AIG1: variants seen among roughly 807,000 people sequenced by gnomAD.
AIG1 encodes androgen induced 1, also known as androgen-induced gene 1 protein.
AIG1 carries 23 observed loss-of-function variants against 31.4 expected under a neutral mutation model. That is an observed-to-expected ratio of 0.73 (90% confidence interval 0.53 to 1.04). The LOEUF is 1.04. Ranked by LOEUF, AIG1 falls within the 50% of genes least tolerant of loss-of-function variation. AIG1 has a pLI of 0.00. For missense variants in AIG1, 274 were observed against 295.0 expected (o/e 0.93, Z 0.52); for synonymous variants, 100 against 110.5 (o/e 0.90, Z 0.60).
intron 3 of AIG1, among the ~76,000 whole-genome samples, chr6:143,204,360 A>G (rs973434458): frequency 6.6e-6 from 1 of 152,118 alleles, no homozygotes; most frequent in African/African-American, 2.4e-5. Flanking sequence ...GAGTGCCTAC[A>G]TGTGGCCTCC....
At position 143,288,889 on chromosome 6, in the gene AIG1, G is replaced by A. The variant is rs933735037; in HGVS notation, c.515+4664G>A. 6.6e-6 allele frequency among the ~76,000 whole-genome samples: 1 copy of A among 152,166 alleles called. No homozygotes were observed. The highest frequency in any genetic ancestry group is 1.5e-5 in the Non-Finnish European group (1 of 68,022). On this transcript the variant is annotated intron_variant, in intron 4 of 5. Coordinates refer to ENST00000357847, the MANE Select transcript of AIG1 (RefSeq NM_016108.4). The surrounding 1 kb of genome is among the most constrained non-coding windows in gnomAD (Gnocchi z 4.4). The stretch of plus-strand genomic sequence containing the variant: ...GGATGTCTCAAAGAAGTAGTGGGTG[G>A]TTACAAGTCATAGGTGAATTCAAAG...
chr6:143,074,995 T>C (rs938925430), intron 1 of AIG1, among the ~76,000 whole-genome samples: 1 of 152,228 alleles, frequency 6.6e-6, no homozygotes, highest in Non-Finnish European at 1.5e-5. Context: ...AAAATTTTAT[T>C]CACAAATTCT....
intron 4 of AIG1, among the ~76,000 whole-genome samples, chr6:143,318,536 A>T (rs921590742): frequency 2.6e-5 from 4 of 152,204 alleles, no homozygotes; most frequent in Non-Finnish European, 5.9e-5. Flanking sequence ...ATTTTAGAAG[A>T]TAACATCAAA....
intron 3 of AIG1, among the ~76,000 whole-genome samples, chr6:143,270,304 C>A (rs1796423149): frequency 6.6e-6 from 1 of 152,150 alleles, no homozygotes; most frequent in Admixed American, 6.5e-5. Flanking sequence ...TCCAGGCAGC[C>A]TAAGCAAGAT....
At chr6:143,164,965 C>A in intron 2 of AIG1, 117 bp from the exon 3 acceptor site, 2 of 732,222 alleles carry the variant, frequency 2.7e-6, no homozygotes, top group South Asian at 1.8e-5. Flanking sequence ...GTTTACTGAG[C>A]TGTCTTTCAT....
At chr6:143,295,343 C>T (rs1182722993) in intron 4 of AIG1, among the ~76,000 whole-genome samples, 1 of 152,180 alleles carries the variant, frequency 6.6e-6, no homozygotes, top group African/African-American at 2.4e-5. Context: ...AAACAAATGT[C>T]ATCATGCTAC....
At chr6:143,094,370 T>A (rs963380097) in intron 1 of AIG1, 5 of 152,170 alleles carry the variant, frequency 3.3e-5, no homozygotes, top group Admixed American at 3.3e-4. Context: ...CTAACAGAAG[T>A]ACGTTACATC....
intron 3 of AIG1, among the ~76,000 whole-genome samples, chr6:143,180,421 G>A (rs1051353396): frequency 2.0e-5 from 3 of 152,168 alleles, no homozygotes; most frequent in African/African-American, 4.8e-5. Context: ...AAGCACTGTC[G>A]TTATTCTGGC....
rs1294208501 is a variant in AIG1, at chr6:143,102,716, A to G, written c.142-34119A>G. On this transcript the variant is annotated intron_variant, in intron 1 of 5. Transcript: ENST00000357847. The stretch of plus-strand genomic sequence containing the variant: ...TTTTTCATCCCCTCTCTACTCCTTT[A>G]CATTTTGTTTTGGTTAACAGATAAC... Among the ~76,000 whole-genome samples, 3 of 151,744 alleles carry G rather than the reference A, an allele frequency of 2.0e-5. No homozygotes were observed. The South Asian group carries it at 6.2e-4, about 31-fold the overall frequency.
intron 3 of AIG1, among the ~76,000 whole-genome samples, chr6:143,237,687 T>G (rs1793911435): frequency 6.6e-6 from 1 of 152,150 alleles, no homozygotes; most frequent in Non-Finnish European, 1.5e-5. Context: ...CGAACCTAGC[T>G]TTGAAGTAAC....
chr6:143,266,179 C>T (rs533053545), intron 3 of AIG1, among the ~76,000 whole-genome samples: 8 of 152,144 alleles, frequency 5.3e-5, no homozygotes, highest in Non-Finnish European at 1.5e-5. Flanking sequence ...GAAACCCCAT[C>T]TCTACTAAAA....
At chr6:143,213,253 A>G (rs1791728374) in intron 3 of AIG1, among the ~76,000 whole-genome samples, 1 of 152,178 alleles carries the variant, frequency 6.6e-6, no homozygotes, top group Non-Finnish European at 1.5e-5. Flanking sequence ...ATTGTTAGCT[A>G]TTAAATGGCA....
chr6:143,283,369 T>C (rs1562555056), intron 3 of AIG1, among the ~76,000 whole-genome samples: 3 of 152,214 alleles, frequency 2.0e-5, no homozygotes. Context: ...ACACCATTTC[T>C]GGAAGCTGAT....
chr6:143,061,582 T>A (rs1261816767), intron 1 of AIG1: 9 of 295,386 alleles, frequency 3.0e-5, no homozygotes, highest in Non-Finnish European at 5.4e-5. Context: ...CCTAATAAAG[T>A]TGTCTTCTTT....
intron 1 of AIG1, among the ~76,000 whole-genome samples, chr6:143,098,175 C>A (rs1779958909): frequency 6.6e-6 from 1 of 152,174 alleles, no homozygotes; most frequent in South Asian, 2.1e-4. Flanking sequence ...TTCTGGTTTT[C>A]ACTTCCTCTT....
chr6:143,061,036 G>A lies in AIG1; in HGVS notation c.111G>A (p.Gly37=). 6.2e-7 allele frequency: 1 copy of A among 1,613,476 alleles called. No individual in the cohort carries two copies. Among genetic ancestry groups the A allele is most frequent in the Non-Finnish European group, 8.5e-7 (1 of 1,179,722 alleles). Residue 37 remains glycine, a synonymous_variant, in exon 1 of 6, where the codon GGG becomes GGA. Coordinates refer to ENST00000357847, the MANE Select transcript of AIG1 (RefSeq NM_016108.4). ...IEMPSHQTYG[G]SWKFLTFIDL... is the part of the protein sequence containing the mutation. ...TGCCCTCACACCAGACCTACGGAGGGAGCTGGAAATTCCTGACGTTCATTG... is the reference window on the plus strand; with the variant it reads ...TGCCCTCACACCAGACCTACGGAGGAAGCTGGAAATTCCTGACGTTCATTG...
chr6:143,211,282 C>T (rs2128615690), intron 3 of AIG1, among the ~76,000 whole-genome samples: 1 of 152,232 alleles, frequency 6.6e-6, no homozygotes, highest in South Asian at 2.1e-4. Flanking sequence ...AAACCAGAAG[C>T]ACACCAGATC....
At chr6:143,196,443 GTCTT>G (rs1168997477) in intron 3 of AIG1, among the ~76,000 whole-genome samples, 1 of 151,448 alleles carries the variant, frequency 6.6e-6, no homozygotes, top group Non-Finnish European at 1.5e-5. Context: ...TAGAGTATAT[GTCTT>G]TCTTTAAAAT....
At chr6:143,227,694 T>C (rs536753122) in intron 3 of AIG1, among the ~76,000 whole-genome samples, 16 of 152,316 alleles carry the variant, frequency 1.1e-4, no homozygotes, top group Non-Finnish European at 2.2e-4. Flanking sequence ...CAGGGTTCTT[T>C]TGATGCAAAA....
Sources: gnomAD v4.1 joint callset for allele counts (sites outside exome capture counted in the v4.1 genomes callset) on GRCh38, gnomAD v4.1.1 for gene constraint, Gnocchi (gnomAD v3.1) non-coding constraint, MANE v1.5 for transcripts, NCBI Gene and HGNC (gene_info 2026-07-23, HGNC 2026-07-21) for gene names.